The following CCSER1 variants were observed in gnomAD, a reference collection of about 807,000 sequenced individuals.
CCSER1 encodes coiled-coil serine rich protein 1, also known as serine-rich coiled-coil domain-containing protein 1.
In CCSER1, 41 loss-of-function variants were observed where a neutral mutation model predicts 82.0. The ratio of observed to expected loss-of-function variants is 0.50; its 90% confidence interval spans 0.39 to 0.65. CCSER1 has a LOEUF of 0.65. Ranked by LOEUF, CCSER1 falls within the 30% of genes least tolerant of loss-of-function variation. CCSER1 has a pLI of 0.00. For missense variants in CCSER1, 1,119 were observed against 1,064.2 expected (o/e 1.05, Z -0.72); for synonymous variants, 414 against 383.9 (o/e 1.08, Z -0.92).
At chr4:90,732,588 G>A (rs1446676867) in intron 7 of CCSER1, among the ~76,000 whole-genome samples, 1 of 152,114 alleles carries the variant, frequency 6.6e-6, no homozygotes, top group East Asian at 1.9e-4. Flanking sequence ...CTTAGGGACA[G>A]TGAGCCAATC....
chr4:91,135,821 CACA>C (rs1728410771), intron 10 of CCSER1, among the ~76,000 whole-genome samples: 1 of 152,162 alleles, frequency 6.6e-6, no homozygotes, highest in Non-Finnish European at 1.5e-5. Context: ...GTATTATTTT[CACA>C]ACTTCGCTAT....
intron 9 of CCSER1, among the ~76,000 whole-genome samples, chr4:90,952,181 A>G (rs1178816072): frequency 6.6e-6 from 1 of 152,132 alleles, no homozygotes; most frequent in Non-Finnish European, 1.5e-5. Context: ...GAGCAAAGCA[A>G]ATATATAAAA....
At chr4:90,648,757 T>G (rs1728185782) in intron 6 of CCSER1, among the ~76,000 whole-genome samples, 1 of 152,080 alleles carries the variant, frequency 6.6e-6, no homozygotes, top group Admixed American at 6.6e-5. Context: ...AAAATAAATT[T>G]CTGTTCTTTT....
intron 9 of CCSER1, among the ~76,000 whole-genome samples, chr4:91,000,234 A>AG (rs373377915): frequency 2.0e-5 from 1 of 51,168 alleles, no homozygotes; most frequent in Non-Finnish European, 6.3e-5. Flanking sequence ...AGTATAGTAT[A>AG]GTATAGTATA....
intron 10 of CCSER1, among the ~76,000 whole-genome samples, chr4:91,545,709 G>A (rs145897521): frequency 0.012 from 1,881 of 151,796 alleles, 18 homozygotes; most frequent in Middle Eastern, 0.031. Context: ...GATTTACTCC[G>A]TAGATAATCA....
intron 9 of CCSER1, among the ~76,000 whole-genome samples, chr4:91,042,006 T>C (rs1294167559): frequency 6.6e-6 from 1 of 152,198 alleles, no homozygotes; most frequent in Non-Finnish European, 1.5e-5. Context: ...CATTAAGCTT[T>C]TTAGTCATTC....
At chr4:90,717,527 T>C (rs1419489915) in intron 6 of CCSER1, among the ~76,000 whole-genome samples, 1 of 152,018 alleles carries the variant, frequency 6.6e-6, no homozygotes, top group Non-Finnish European at 1.5e-5. Flanking sequence ...CAACAAACAC[T>C]GAGGCATGGA....
chr4:91,026,819 C>T (rs1010220247), intron 9 of CCSER1, among the ~76,000 whole-genome samples: 2 of 151,938 alleles, frequency 1.3e-5, no homozygotes, highest in African/African-American at 4.8e-5. Context: ...GTTTTTGCAT[C>T]CCATTAGCTG....
chr4:90,263,560 C>A (rs1208665143), intron 1 of CCSER1, among the ~76,000 whole-genome samples: 1 of 152,120 alleles, frequency 6.6e-6, no homozygotes, highest in Non-Finnish European at 1.5e-5. Context: ...AAGTTGATAG[C>A]CGAAGTCACA....
chr4:90,548,921 C>T (rs1286112288), intron 5 of CCSER1, among the ~76,000 whole-genome samples: 1 of 151,912 alleles, frequency 6.6e-6, no homozygotes, highest in African/African-American at 2.4e-5. Context: ...GAGCCTTGTT[C>T]TTAGACTCTG....
At chr4:90,388,376 C>G (rs35252631) in intron 3 of CCSER1, among the ~76,000 whole-genome samples, 11,808 of 152,074 alleles carry the variant, frequency 0.078, 536 homozygotes, top group East Asian at 0.18. Context: ...GTGGCATGAT[C>G]TCAGCTCACT....
intron 5 of CCSER1, among the ~76,000 whole-genome samples, chr4:90,503,619 G>T (rs1770252800): frequency 6.6e-6 from 1 of 151,920 alleles, no homozygotes; most frequent in Non-Finnish European, 1.5e-5. Context: ...GTGTCCATGT[G>T]TTCTCATTGT....
intron 10 of CCSER1, among the ~76,000 whole-genome samples, chr4:91,547,803 A>G (rs1407540125): frequency 6.6e-6 from 1 of 151,922 alleles, no homozygotes; most frequent in Non-Finnish European, 1.5e-5. Flanking sequence ...GTTTTTTGAG[A>G]CAGAGTCTGG....
chr4:90,848,097 A>G (rs781078149), intron 8 of CCSER1, among the ~76,000 whole-genome samples: 21 of 152,218 alleles, frequency 1.4e-4, no homozygotes, highest in Non-Finnish European at 2.8e-4. Flanking sequence ...TACTTCTTAC[A>G]CAATCACTTT....
At chr4:90,872,741 T>A (rs1311766118) in intron 8 of CCSER1, among the ~76,000 whole-genome samples, 1 of 152,038 alleles carries the variant, frequency 6.6e-6, no homozygotes, top group Non-Finnish European at 1.5e-5. Context: ...TCTTATTGCT[T>A]GTTAACATCC....
At chr4:90,725,202 C>T (rs564965989) in intron 7 of CCSER1, among the ~76,000 whole-genome samples, 6 of 151,774 alleles carry the variant, frequency 4.0e-5, no homozygotes, top group Non-Finnish European at 8.9e-5. Flanking sequence ...ATATCTTTAA[C>T]AAGATTTTAA....
In CCSER1 at chr4:90,319,629, G is replaced by A. The variant is rs913880139; in HGVS notation, c.1509+6582G>A. Among the ~76,000 whole-genome samples, 22 of 120,490 alleles carry A rather than the reference G, an allele frequency of 1.8e-4. 1 individual carries two copies. Among genetic ancestry groups the A allele is most frequent in the South Asian group, 1.7e-3 (5 of 2,872 alleles). 79.0% of individuals were successfully genotyped at this position (120,490 alleles called of 152,430 possible). The stretch of plus-strand genomic sequence containing the variant: ...ATCGCGCCACTGCACTACAGTCTGG[G>A]CAACAGAGCAAGACTCTCTCAAAAA... On this transcript the variant is annotated intron_variant, in intron 3 of 10. Transcript: ENST00000509176.
At chr4:91,127,698 T>C (rs1485724244) in intron 10 of CCSER1, among the ~76,000 whole-genome samples, 1 of 152,118 alleles carries the variant, frequency 6.6e-6, no homozygotes, top group Non-Finnish European at 1.5e-5. Context: ...AATACAATAT[T>C]TTCCAACTCA....
At chr4:90,724,484 C>T (rs1433577820) in intron 7 of CCSER1, among the ~76,000 whole-genome samples, 1 of 151,654 alleles carries the variant, frequency 6.6e-6, no homozygotes, top group East Asian at 1.9e-4. Flanking sequence ...AGTAAATATG[C>T]AAATAAGTAT....
Sources: allele counts gnomAD v4.1 joint callset (sites outside exome capture counted in the v4.1 genomes callset), GRCh38; gene constraint gnomAD v4.1.1; transcripts MANE v1.5; gene names NCBI Gene and HGNC (gene_info 2026-07-23, HGNC 2026-07-21).